The following DLGAP4 variants were observed in gnomAD, a reference collection of about 807,000 sequenced individuals.
DLGAP4 encodes DLG associated protein 4, also known as disks large-associated protein 4.
In DLGAP4, 18 loss-of-function variants were observed where a neutral mutation model predicts 86.9. That is an observed-to-expected ratio of 0.21 (90% CI 0.14 to 0.31). The LOEUF is 0.31. DLGAP4 is among the 10% of genes least tolerant of loss of function. DLGAP4 has a pLI of 1.00. For missense variants in DLGAP4, 1,085 were observed against 1,362.6 expected, an observed-to-expected ratio of 0.80 and a Z score of 3.21; for synonymous variants, 548 against 574.3, an observed-to-expected ratio of 0.95 and a Z score of 0.65.
At chr20:36,391,821 A>G (rs1172309149) in intron 2 of DLGAP4, among the ~76,000 whole-genome samples, 2 of 152,174 alleles carry the variant, frequency 1.3e-5, no homozygotes, top group Admixed American at 1.3e-4. Context: ...CAATGCAACC[A>G]GTATCACATG....
intron 4 of DLGAP4, among the ~76,000 whole-genome samples, chr20:36,436,812 T>C (rs1031123683): frequency 2.8e-5 from 4 of 142,704 alleles, no homozygotes; most frequent in African/African-American, 1.0e-4. Context: ...CGAGACTCCG[T>C]CTCAAAAAAA....
chr20:36,436,910 C>G (rs6090809), intron 4 of DLGAP4, among the ~76,000 whole-genome samples: 2,416 of 152,292 alleles, frequency 0.016, 76 homozygotes, highest in African/African-American at 0.055. Context: ...GAGTCCCGCC[C>G]ACTTGTGAGC....
intron 3 of DLGAP4, among the ~76,000 whole-genome samples, chr20:36,435,284 C>T (rs1263351440): frequency 6.6e-6 from 1 of 152,164 alleles, no homozygotes; most frequent in African/African-American, 2.4e-5. Context: ...CAGTGACCAT[C>T]CATTGTGTTT....
chr20:36,428,284 T>A (rs2033035639), intron 2 of DLGAP4, among the ~76,000 whole-genome samples: 1 of 152,226 alleles, frequency 6.6e-6, no homozygotes. Context: ...AAAATTCAGT[T>A]TCCCAGTCGC....
chr20:36,516,126 TACA>T (rs1344488888), intron 10 of DLGAP4, among the ~76,000 whole-genome samples: 1 of 152,196 alleles, frequency 6.6e-6, no homozygotes, highest in Non-Finnish European at 1.5e-5. Flanking sequence ...AATTTAGACA[TACA>T]ACTATGCATA....
intron 2 of DLGAP4, among the ~76,000 whole-genome samples, chr20:36,382,503 T>TTTTCTTTC (rs757834890): frequency 6.6e-6 from 1 of 151,202 alleles, no homozygotes; most frequent in African/African-American, 2.4e-5. Context: ...TTTCTCTTTC[T>TTTTCTTTC]TTTCTTTCTT....
intron 6 of DLGAP4, among the ~76,000 whole-genome samples, chr20:36,444,698 T>A (rs2033544722): frequency 6.6e-6 from 1 of 152,168 alleles, no homozygotes; most frequent in South Asian, 2.1e-4. Flanking sequence ...TGGAGTGCAG[T>A]TGCCCAGTCT....
chr20:36,526,682 G>A, intron 12 of DLGAP4, 131 bp from the exon 13 acceptor site: 1 of 796,990 alleles, frequency 1.3e-6, no homozygotes, highest in Non-Finnish European at 2.0e-6. Context: ...GATTCCAAGT[G>A]TGTGTTGCTT....
In DLGAP4 at chr20:36,525,995, G is replaced by C. The variant is rs547476479; in HGVS notation, c.2749G>C (p.Glu917Gln). 6.8e-6 allele frequency: 11 copies of C among 1,613,970 alleles called. No individual in the cohort carries two copies. The highest frequency in any genetic ancestry group is 1.7e-5 in the Admixed American group (1 of 60,006). Reference protein sequence around the residue: ...ANSWQLVETPEKRKEEKKPPP... With the variant: ...ANSWQLVETPQKRKEEKKPPP... ...CAGCTGGCAGCTGGTGGAGACCCCC[G>C]AGAAGAGGAAGGTGAGCATGGAGCA... Residue 917 changes from glutamate to glutamine, a missense_variant, in exon 12 of 13, where the codon GAG becomes CAG. Transcript: ENST00000339266.
At chr20:36,422,230 T>C (rs4809596) in intron 2 of DLGAP4, among the ~76,000 whole-genome samples, 88,990 of 151,966 alleles carry the variant, frequency 0.59, 26,201 homozygotes, top group Middle Eastern at 0.66. Context: ...TGGACTGCTA[T>C]GTACACCCCC....
chr20:36,527,085 G>A lies in DLGAP4; in HGVS notation c.*54G>A, dbSNP rs770520402. On this transcript the variant is annotated 3_prime_UTR_variant, in exon 13 of 13. Transcript: ENST00000339266. ...AAATCATTAAAAACACAAAAACTAAGTGCGAACGGAACAGAGTTTTCTCAA... is the reference window on the plus strand; with the variant it reads ...AAATCATTAAAAACACAAAAACTAAATGCGAACGGAACAGAGTTTTCTCAA... 366 of 1,506,628 alleles carry A rather than the reference G, an allele frequency of 2.4e-4. No individual in the cohort carries two copies. Among genetic ancestry groups the A allele is most frequent in the Non-Finnish European group, 3.0e-4 (338 of 1,115,484 alleles). 93.3% of individuals were successfully genotyped at this position (1,506,628 alleles called of 1,614,324 possible).
In DLGAP4 at chr20:36,499,670, A is replaced by G; in HGVS notation, c.2093A>G (p.Asp698Gly). The change falls in exon 9 of 13, where the codon GAC (aspartate) becomes GGC (glycine). Residue 698 changes from aspartate (D) to glycine (G), a missense_variant. This residue lies in a region of DLGAP4 where 1,082 missense variants were observed against 1,344.1 expected (regional missense o/e 0.81). Transcript: ENST00000339266. Reference sequence around the variant, plus strand: ...TCCATCGGGGTTCAGGTAGAGGACGACTGGCGGTAAGTCGGACAGAGGTGG... The same window carrying G: ...TCCATCGGGGTTCAGGTAGAGGACGGCTGGCGGTAAGTCGGACAGAGGTGG... ...FQSIGVQVED[D>G]WRSSVPSHSM... 6.2e-7 allele frequency: 1 copy of G among 1,613,590 alleles called. No individual in the cohort carries two copies. Among genetic ancestry groups the G allele is most frequent in the Non-Finnish European group, 8.5e-7 (1 of 1,179,844 alleles).
chr20:36,427,828 G>A (rs1275403), intron 2 of DLGAP4, among the ~76,000 whole-genome samples: 17,189 of 151,112 alleles, frequency 0.11, 1,208 homozygotes, highest in African/African-American at 0.19. Flanking sequence ...CTATAATCCC[G>A]GCTACTAGTT....
chr20:36,388,442 C>T (rs554431006), intron 2 of DLGAP4, among the ~76,000 whole-genome samples: 75 of 152,274 alleles, frequency 4.9e-4, no homozygotes, highest in Non-Finnish European at 1.0e-3. Context: ...GTCCCTCCCC[C>T]GTGGCCCACC....
intron 2 of DLGAP4, among the ~76,000 whole-genome samples, chr20:36,390,635 C>T (rs187705979): frequency 2.0e-3 from 299 of 152,280 alleles, no homozygotes; most frequent in Admixed American, 3.2e-3. Context: ...GCTCCCTTCT[C>T]CAGGAGAGAG....
At chr20:36,509,860 C>CTT (rs796066122) in intron 10 of DLGAP4, among the ~76,000 whole-genome samples, 1 of 145,488 alleles carries the variant, frequency 6.9e-6, no homozygotes, top group Non-Finnish European at 1.5e-5. Context: ...TATTGCTTGT[C>CTT]TTTTTTTTTT....
At chr20:36,461,598 C>T (rs1410881192) in intron 7 of DLGAP4, 3 of 954,156 alleles carry the variant, frequency 3.1e-6, no homozygotes, top group Admixed American at 1.3e-4. Context: ...TCAGCCCGGA[C>T]GCCCGGGGCC....
At chr20:36,353,945 T>C (rs1166638911) in intron 1 of DLGAP4, among the ~76,000 whole-genome samples, 4 of 152,290 alleles carry the variant, frequency 2.6e-5, no homozygotes, top group African/African-American at 9.6e-5. Context: ...ACCCAGCAAA[T>C]GAGGGGCAGA....
At chr20:36,326,996 C>CTTTTTT (rs377378667) in intron 1 of DLGAP4, among the ~76,000 whole-genome samples, 13 of 99,468 alleles carry the variant, frequency 1.3e-4, no homozygotes, top group Non-Finnish European at 1.7e-4. Flanking sequence ...AAGATTTTCT[C>CTTTTTT]TTTTTTTTTT....
Sources: gnomAD v4.1 joint callset for allele counts (sites outside exome capture counted in the v4.1 genomes callset) on GRCh38, gnomAD v4.1.1 for gene constraint, gnomAD v4.1.1 regional missense constraint, MANE v1.5 for transcripts, NCBI Gene and HGNC (gene_info 2026-07-23, HGNC 2026-07-21) for gene names.